PDE7B: variants seen among roughly 807,000 people sequenced by gnomAD.
The protein encoded by PDE7B is 3',5'-cyclic-AMP phosphodiesterase 7B.
In PDE7B, 29 loss-of-function variants were observed where a neutral mutation model predicts 56.2. The observed-to-expected ratio is 0.52, with a 90% CI of 0.38 to 0.70. PDE7B has a LOEUF of 0.70. PDE7B is among the 30% of genes least tolerant of loss of function. PDE7B has a pLI of 0.00. For missense variants in PDE7B, 490 were observed against 565.0 expected (o/e 0.87, Z 1.35); for synonymous variants, 197 against 196.9 (o/e 1.00, Z 0.00).
At chr6:136,038,389 G>T (rs948134631) in intron 2 of PDE7B, 1 of 1,291,566 alleles carries the variant, frequency 7.7e-7, no homozygotes, top group Non-Finnish European at 1.0e-6. Context: ...GCCGGCCGGG[G>T]TGCCAGCAGG....
Position 136,130,372 on chromosome 6 carries a change from C to G in PDE7B, c.167-16979C>G, listed in dbSNP as rs1583897312. Among the ~76,000 whole-genome samples, 5 of 152,242 alleles carry G rather than the reference C, an allele frequency of 3.3e-5. No individual in the cohort carries two copies. In the East Asian group the frequency reaches 9.7e-4, roughly 29 times the overall value. On this transcript the variant is annotated intron_variant, in intron 3 of 12. Coordinates refer to ENST00000308191, the MANE Select transcript of PDE7B (RefSeq NM_018945.4). ...CTGCTCTGTCTCCTCACCTCTCTAC[C>G]TGACCACACCCCCTACATATATACC...
intron 1 of PDE7B, among the ~76,000 whole-genome samples, chr6:135,864,579 A>T (rs1479223607): frequency 6.6e-6 from 1 of 152,052 alleles, no homozygotes; most frequent in Non-Finnish European, 1.5e-5. Context: ...TTTAAAAGCA[A>T]TCTGTCCATT....
chr6:136,116,819 T>C (rs1028866039), intron 3 of PDE7B, among the ~76,000 whole-genome samples: 20 of 152,346 alleles, frequency 1.3e-4, no homozygotes, highest in African/African-American at 4.8e-4. Context: ...CGTCATGAAG[T>C]CAACCAACTA....
chr6:136,159,778 C>T (rs1258728055), intron 8 of PDE7B, among the ~76,000 whole-genome samples: 1 of 152,178 alleles, frequency 6.6e-6, no homozygotes, highest in East Asian at 1.9e-4. Context: ...TTCCTGGTAC[C>T]CCAGATTCAG....
At chr6:136,036,918 C>T (rs1478270419) in intron 2 of PDE7B, among the ~76,000 whole-genome samples, 1 of 152,220 alleles carries the variant, frequency 6.6e-6, no homozygotes, top group Non-Finnish European at 1.5e-5. Flanking sequence ...AAATACAAAA[C>T]TACCCTACTT....
At chr6:136,077,830 A>G (rs1307370572) in intron 2 of PDE7B, among the ~76,000 whole-genome samples, 1 of 152,220 alleles carries the variant, frequency 6.6e-6, no homozygotes, top group Non-Finnish European at 1.5e-5. Context: ...AAAGCTGAGC[A>G]ACTTGGTAAC....
intron 1 of PDE7B, among the ~76,000 whole-genome samples, chr6:135,885,000 T>C (rs1309985190): frequency 2.0e-5 from 3 of 152,154 alleles, no homozygotes; most frequent in Admixed American, 1.3e-4. Context: ...CATCAACTCA[T>C]GGAAAAGCCA....
At chr6:136,013,257 C>CA (rs543268210) in intron 2 of PDE7B, among the ~76,000 whole-genome samples, 204 of 152,228 alleles carry the variant, frequency 1.3e-3, no homozygotes, top group African/African-American at 4.5e-3. Flanking sequence ...TAAGCTAAAT[C>CA]AAAATTTCCT....
chr6:135,988,270 T>C (rs1289778447), intron 2 of PDE7B, among the ~76,000 whole-genome samples: 1 of 152,012 alleles, frequency 6.6e-6, no homozygotes, highest in African/African-American at 2.4e-5. Context: ...GGTCCCAGCG[T>C]GTGGAATTAG....
chr6:136,038,619 T>A (rs1007167497), intron 2 of PDE7B: 16 of 1,010,128 alleles, frequency 1.6e-5, no homozygotes, highest in Non-Finnish European at 2.1e-5. Flanking sequence ...GGGAGGAAAA[T>A]GAACTGTGTA....
At chr6:136,122,869 C>T (rs1777959898) in intron 3 of PDE7B, among the ~76,000 whole-genome samples, 1 of 152,198 alleles carries the variant, frequency 6.6e-6, no homozygotes, top group Non-Finnish European at 1.5e-5. Context: ...CTGTATCTCT[C>T]TGCAGGCAGC....
intron 8 of PDE7B, 50 bp downstream of exon 8, chr6:136,155,808 G>A (rs1778593899): frequency 6.3e-7 from 1 of 1,591,490 alleles, no homozygotes; most frequent in South Asian, 1.1e-5. Context: ...ATCGCCTTAG[G>A]CCCGGTGCTC....
intron 2 of PDE7B, among the ~76,000 whole-genome samples, chr6:136,059,002 G>T (rs1776788043): frequency 6.6e-6 from 1 of 152,180 alleles, no homozygotes; most frequent in Non-Finnish European, 1.5e-5. Flanking sequence ...CCATGATTAT[G>T]TCTTTTTAGA....
intron 2 of PDE7B, chr6:136,038,428 G>A: frequency 7.7e-7 from 1 of 1,290,600 alleles, no homozygotes; most frequent in Non-Finnish European, 1.0e-6. Flanking sequence ...TGCCAGAGAT[G>A]ATCAGGATGG....
At chr6:136,096,233 G>A (rs978175717) in intron 2 of PDE7B, 4 of 152,172 alleles carry the variant, frequency 2.6e-5, no homozygotes, top group Non-Finnish European at 4.4e-5. Context: ...GGGACTTGGA[G>A]TATTTCCTAT....
At chr6:135,954,436 C>T (rs1774753566) in intron 2 of PDE7B, among the ~76,000 whole-genome samples, 1 of 152,138 alleles carries the variant, frequency 6.6e-6, no homozygotes, top group South Asian at 2.1e-4. Flanking sequence ...TCAGCTCCTA[C>T]ATTAACTAAC....
At chr6:136,010,389 C>CA (rs1356642753) in intron 2 of PDE7B, among the ~76,000 whole-genome samples, 2 of 98,830 alleles carry the variant, frequency 2.0e-5, no homozygotes, top group Non-Finnish European at 4.3e-5. Context: ...TTATTCCCTT[C>CA]TTTTTTTTTT....
chr6:136,074,388 T>A (rs1409077901), intron 2 of PDE7B, among the ~76,000 whole-genome samples: 2 of 152,174 alleles, frequency 1.3e-5, no homozygotes, highest in Admixed American at 6.5e-5. Context: ...TCAAGGTAAA[T>A]GGGATATCTA....
chr6:135,976,938 C>T (rs561048521), intron 2 of PDE7B, among the ~76,000 whole-genome samples: 2 of 152,112 alleles, frequency 1.3e-5, no homozygotes, highest in African/African-American at 2.4e-5. Flanking sequence ...GATGTCTTTA[C>T]CTAGTGTAGG....
Sources: gnomAD v4.1 joint callset for allele counts (sites outside exome capture counted in the v4.1 genomes callset) on GRCh38, gnomAD v4.1.1 for gene constraint, MANE v1.5 for transcripts, NCBI Gene and HGNC (gene_info 2026-07-23, HGNC 2026-07-21) for gene names.